Variants in NRCAM observed in about 807,000 individuals in gnomAD.
NRCAM encodes neuronal cell adhesion molecule.
Under a neutral mutation model 156.5 loss-of-function variants are expected in NRCAM, and 83 were observed. That is an observed-to-expected ratio of 0.53 (90% CI 0.44 to 0.64). The LOEUF is 0.64. Among genes scored for constraint, NRCAM ranks in the 30% least tolerant of loss-of-function variants. The pLI is 0.00. For synonymous variants in NRCAM, 538 were observed against 563.9 expected, an observed-to-expected ratio of 0.95 and a Z score of 0.65; for missense variants, 1,417 against 1,597.3, an observed-to-expected ratio of 0.89 and a Z score of 1.92.
chr7:108,371,521 C>T (rs1156502), intron 2 of NRCAM, among the ~76,000 whole-genome samples: 147,457 of 152,294 alleles, frequency 0.97, 71,406 homozygotes, highest in East Asian at 1. Flanking sequence ...TCTTTGTAGG[C>T]TGAAGAGAAC....
chr7:108,158,516 C>T (rs886133891), intron 32 of NRCAM, among the ~76,000 whole-genome samples: 1 of 152,024 alleles, frequency 6.6e-6, no homozygotes, highest in Non-Finnish European at 1.5e-5. Context: ...ACAGGTAAAA[C>T]TTAACATAAA....
At chr7:108,162,993 T>C (rs2050215225) in intron 30 of NRCAM, among the ~76,000 whole-genome samples, 1 of 152,074 alleles carries the variant, frequency 6.6e-6, no homozygotes, top group Admixed American at 6.6e-5. Context: ...ACCATGATCA[T>C]GCATCACACA....
chr7:108,361,737 TTGAG>T (rs1016287364), intron 2 of NRCAM, among the ~76,000 whole-genome samples: 2 of 152,282 alleles, frequency 1.3e-5, no homozygotes, highest in Non-Finnish European at 2.9e-5. Context: ...GTCTCCACAA[TTGAG>T]TGAGCCAGCC....
intron 1 of NRCAM, among the ~76,000 whole-genome samples, chr7:108,435,478 G>A (rs1430033165): frequency 6.6e-6 from 1 of 151,996 alleles, no homozygotes; most frequent in African/African-American, 2.4e-5. Context: ...GGGGAGAAGA[G>A]TGGGTCGAAA....
At chr7:108,396,122 T>G (rs533074059) in intron 2 of NRCAM, among the ~76,000 whole-genome samples, 1 of 152,300 alleles carries the variant, frequency 6.6e-6, no homozygotes, top group East Asian at 1.9e-4. Context: ...AGACATCATA[T>G]TAGTGTGTGT....
At chr7:108,450,159 T>C (rs181026800) in intron 1 of NRCAM, among the ~76,000 whole-genome samples, 1 of 152,038 alleles carries the variant, frequency 6.6e-6, no homozygotes, top group Admixed American at 6.6e-5. Context: ...ATAATACAAG[T>C]AAGATTCATC....
At chr7:108,334,718 C>T (rs2099161414) in intron 2 of NRCAM, among the ~76,000 whole-genome samples, 1 of 152,172 alleles carries the variant, frequency 6.6e-6, no homozygotes, top group African/African-American at 2.4e-5. Flanking sequence ...CAGCGTGTGC[C>T]TGTGAGTAAC....
intron 3 of NRCAM, among the ~76,000 whole-genome samples, chr7:108,256,775 G>A (rs1206145723): frequency 2.0e-5 from 3 of 152,092 alleles, no homozygotes; most frequent in Admixed American, 6.5e-5. Context: ...CAGCACCTTG[G>A]GAGGCCAAGG....
intron 3 of NRCAM, among the ~76,000 whole-genome samples, chr7:108,273,081 C>T (rs1240979819): frequency 6.6e-6 from 1 of 152,186 alleles, no homozygotes; most frequent in East Asian, 1.9e-4. Flanking sequence ...ATGAACTCAT[C>T]CTTTTTTATG....
intron 1 of NRCAM, among the ~76,000 whole-genome samples, chr7:108,400,832 C>G (rs1489575538): frequency 2.0e-5 from 3 of 152,038 alleles, no homozygotes; most frequent in Non-Finnish European, 2.9e-5. Flanking sequence ...TGGATCATGA[C>G]CTGGGGCCAG....
intron 2 of NRCAM, among the ~76,000 whole-genome samples, chr7:108,329,649 C>T (rs2099106213): frequency 6.6e-6 from 1 of 152,180 alleles, no homozygotes; most frequent in Admixed American, 6.5e-5. Flanking sequence ...CTCTTTTCAG[C>T]AATTCTTAAA....
chr7:108,194,450 A>G lies in NRCAM; in HGVS notation c.1464-22T>C, dbSNP rs115961286. On this transcript the variant is annotated intron_variant, in intron 15 of 32. Coordinates refer to ENST00000379028, the MANE Select transcript of NRCAM (RefSeq NM_001037132.4). ...AAACCTTCATTACAGAAATTATCAC[A>G]ATGAGAATAAAAACACATTATATTT... 2,227 of 1,525,012 alleles carry G rather than the reference A, an allele frequency of 1.5e-3. 32 individuals are homozygous for G. In the African/African-American group the frequency reaches 0.027, roughly 18 times the overall value. The allele number at this position is 1,525,012 out of a possible 1,614,324, so 94.5% of individuals were successfully genotyped here. A position where few individuals can be genotyped will look rare whatever the true frequency, so the allele number is the denominator to read the frequency against.
At chr7:108,400,959 T>G (rs2099790848) in intron 1 of NRCAM, among the ~76,000 whole-genome samples, 1 of 152,170 alleles carries the variant, frequency 6.6e-6, no homozygotes, top group South Asian at 2.1e-4. Flanking sequence ...ACAGGGTTCC[T>G]GCTTTTTAAG....
At chr7:108,338,705 G>A (rs12537209) in intron 2 of NRCAM, among the ~76,000 whole-genome samples, 11,364 of 151,880 alleles carry the variant, frequency 0.075, 437 homozygotes, top group East Asian at 0.11. Flanking sequence ...AAAAGAAATA[G>A]TAGAAAAAAA....
chr7:108,435,833 T>C (rs770823773), intron 1 of NRCAM, among the ~76,000 whole-genome samples: 6 of 152,198 alleles, frequency 3.9e-5, no homozygotes, highest in Non-Finnish European at 7.3e-5. Context: ...CAGTAAATCT[T>C]AAAAGCAGCA....
At chr7:108,420,278 C>T (rs1381305261) in intron 1 of NRCAM, among the ~76,000 whole-genome samples, 2 of 152,008 alleles carry the variant, frequency 1.3e-5, no homozygotes. Flanking sequence ...CAGACACACA[C>T]AAATCCTTGC....
At position 108,355,326 on chromosome 7, in the gene NRCAM, C is replaced by T. The variant is rs915839543; in HGVS notation, c.-173-42595G>A. Among the ~76,000 whole-genome samples, 7 of 152,176 alleles carry T rather than the reference C, an allele frequency of 4.6e-5. No individual in the cohort carries two copies. In the East Asian group the frequency reaches 9.7e-4, roughly 21 times the overall value. The stretch of plus-strand genomic sequence containing the variant: ...GTGAGGAGCATAAGTTTAAAGAAGA[C>T]GTGGGCAACAGAAGTGAAGAACTTT... On this transcript the variant is annotated intron_variant, in intron 2 of 32. Transcript: ENST00000379028.
chr7:108,315,314 G>T (rs2098894781), intron 2 of NRCAM, among the ~76,000 whole-genome samples: 1 of 151,226 alleles, frequency 6.6e-6, no homozygotes, highest in East Asian at 1.9e-4. Flanking sequence ...ACTGAATTTG[G>T]GTTCCATTCA....
chr7:108,164,275 G>A (rs1032644648), intron 30 of NRCAM, among the ~76,000 whole-genome samples: 8 of 151,912 alleles, frequency 5.3e-5, no homozygotes, highest in South Asian at 2.1e-4. Context: ...GGGAAGAAGC[G>A]CAGCATCAGG....
Sources: gnomAD v4.1 joint callset for allele counts (sites outside exome capture counted in the v4.1 genomes callset) on GRCh38, gnomAD v4.1.1 for gene constraint, MANE v1.5 for transcripts, NCBI Gene and HGNC (gene_info 2026-07-23, HGNC 2026-07-21) for gene names.